The following SLC26A4 variants were observed in gnomAD, a reference collection of about 807,000 sequenced individuals.
SLC26A4 encodes the protein pendrin.
A neutral mutation model predicts 90.4 loss-of-function variants in SLC26A4; 93 were observed. The ratio of observed to expected loss-of-function variants is 1.03; its 90% CI spans 0.87 to 1.22. The LOEUF is 1.22. Ranked by LOEUF, SLC26A4 falls within the 50% of genes most tolerant of loss-of-function variation. The probability of loss-of-function intolerance (pLI) is 0.00; values close to 1 mark genes in which losing one functional copy is unlikely to be tolerated. For synonymous variants in SLC26A4, 393 were observed against 354.6 expected, an observed-to-expected ratio of 1.11 and a Z score of -1.22; for missense variants, 1,127 against 946.2, an observed-to-expected ratio of 1.19 and a Z score of -2.51.
chr7:107,686,405 TTTTCTTTCTTTCTTTCTTTCTTTC>T (rs774114215), intron 8 of SLC26A4, among the ~76,000 whole-genome samples: 8 of 82,522 alleles, frequency 9.7e-5, no homozygotes, highest in East Asian at 4.6e-4. Context: ...TCTCTCTCTT[TTTTCTTTCTTTCTTTCTTTCTTTC>T]TTTCTTTCTT....
intron 19 of SLC26A4, among the ~76,000 whole-genome samples, chr7:107,711,850 C>G (rs1792199558): frequency 1.3e-5 from 2 of 152,204 alleles, no homozygotes; most frequent in African/African-American, 2.4e-5. Flanking sequence ...ACTTAACCCT[C>G]TAATTCATTC....
intron 3 of SLC26A4, among the ~76,000 whole-genome samples, chr7:107,664,212 G>T (rs192400330): frequency 2.0e-5 from 3 of 152,086 alleles, no homozygotes; most frequent in Admixed American, 2.0e-4. Context: ...TCCACACGTG[G>T]ATCTTTTTTG....
intron 10 of SLC26A4, 42 bp from the exon 11 acceptor site, chr7:107,694,361 G>A: frequency 6.7e-7 from 1 of 1,503,744 alleles, no homozygotes; most frequent in Admixed American, 1.7e-5. Context: ...AGACACAAGG[G>A]AGAAGGACGA....
chr7:107,662,243 G>T (rs1334362681), intron 2 of SLC26A4: 1 of 180,234 alleles, frequency 5.5e-6, no homozygotes, highest in African/African-American at 2.4e-5. Context: ...TAGAGACCAG[G>T]ATGCAAGCTA....
chr7:107,672,994 C>T (rs977265465), intron 4 of SLC26A4, among the ~76,000 whole-genome samples: 2 of 152,194 alleles, frequency 1.3e-5, no homozygotes, highest in African/African-American at 4.8e-5. Context: ...TCTACTTTAT[C>T]CCCAACCCAT....
At chr7:107,679,929 C>T (rs1175452186) in intron 6 of SLC26A4, among the ~76,000 whole-genome samples, 2 of 134,306 alleles carry the variant, frequency 1.5e-5, no homozygotes, top group African/African-American at 5.7e-5. Flanking sequence ...ATAATATAAT[C>T]TTATTATATA....
intron 18 of SLC26A4, among the ~76,000 whole-genome samples, chr7:107,706,305 T>C (rs76131396): frequency 6.6e-6 from 1 of 152,146 alleles, no homozygotes; most frequent in Non-Finnish European, 1.5e-5. Context: ...TTGCCAAGCC[T>C]GGCGAGGTAT....
At chr7:107,669,858 C>T (rs1790817158) in intron 3 of SLC26A4, among the ~76,000 whole-genome samples, 1 of 152,110 alleles carries the variant, frequency 6.6e-6, no homozygotes, top group Admixed American at 6.5e-5. Context: ...CACATAAATA[C>T]TTATCTATAT....
chr7:107,673,279 C>T lies in SLC26A4; in HGVS notation c.416-885C>T, dbSNP rs1055489580. 5.9e-5 allele frequency among the ~76,000 whole-genome samples: 9 copies of T among 151,354 alleles called. No individual in the cohort carries two copies. In the South Asian group the frequency reaches 6.4e-4, roughly 11 times the overall value. On this transcript the variant is annotated intron_variant, in intron 4 of 20. Coordinates refer to ENST00000644269, the MANE Select transcript of SLC26A4 (RefSeq NM_000441.2). ...ATAACAGTAGTGAACGGAGCAATTGCTGAAAAAAAAATATTTTTTAAAATA... is the reference window on the plus strand; with the variant it reads ...ATAACAGTAGTGAACGGAGCAATTGTTGAAAAAAAAATATTTTTTAAAATA...
Position 107,674,155 on chromosome 7 carries a change from T to C in SLC26A4, c.416-9T>C. 6.2e-7 allele frequency: 1 copy of C among 1,613,948 alleles called. No homozygotes were observed. Among genetic ancestry groups the C allele is most frequent in the African/African-American group, 1.3e-5 (1 of 75,052 alleles). ...AACTGATTAATTGTTAGAGACTTTTTTTCCCCAGGACCTTTTCCAGTGGTG... is the reference window on the plus strand; with the variant it reads ...AACTGATTAATTGTTAGAGACTTTTCTTCCCCAGGACCTTTTCCAGTGGTG... On this transcript the variant is annotated splice_polypyrimidine_tract_variant and intron_variant, in intron 4 of 20. Transcript: ENST00000644269.
chr7:107,662,742 T>C (rs1790595439), intron 2 of SLC26A4, among the ~76,000 whole-genome samples: 1 of 152,224 alleles, frequency 6.6e-6, no homozygotes, highest in African/African-American at 2.4e-5. Flanking sequence ...AAAAACAATT[T>C]ATTCAAATCA....
chr7:107,663,430 T>C lies in SLC26A4; in HGVS notation c.299T>C (p.Leu100Pro), dbSNP rs1057518810. The part of the protein sequence containing the change: ...SGVSTGLVAT[L>P]QGMAYALLAA... ...GTTAGTACTGGGCTAGTGGCCACGC[T>C]GCAAGGTAAGATGTTGGCAGATTGA... is the stretch of plus-strand genomic sequence containing the variant. The change falls in exon 3 of 21, where the codon CTG becomes CCG. Residue 100 changes from leucine to proline, a missense_variant. Physicochemically the swap from Leu to Pro is moderately conservative, Grantham distance 98. Transcript: ENST00000644269. 4.3e-6 allele frequency: 7 copies of C among 1,613,948 alleles called. No homozygotes were observed. Among genetic ancestry groups the C allele is most frequent in the Non-Finnish European group, 5.9e-6 (7 of 1,179,950 alleles).
chr7:107,715,265 G>A (rs566321230), intron 20 of SLC26A4, among the ~76,000 whole-genome samples, 158 bp from the exon 21 acceptor site: 2 of 150,784 alleles, frequency 1.3e-5, no homozygotes, highest in African/African-American at 2.4e-5. Flanking sequence ...TAATGAATAC[G>A]AAATGAAGTT....
chr7:107,699,843 C>T (rs1027803843), intron 14 of SLC26A4, among the ~76,000 whole-genome samples: 1 of 151,400 alleles, frequency 6.6e-6, no homozygotes, highest in Non-Finnish European at 1.5e-5. Context: ...CAGGAGAATC[C>T]CTTGAACCCA....
chr7:107,687,761 G>A (rs1407435017), intron 8 of SLC26A4, among the ~76,000 whole-genome samples: 2 of 152,298 alleles, frequency 1.3e-5, no homozygotes, highest in East Asian at 1.9e-4. Flanking sequence ...TGACAAGTCC[G>A]AGTGACCTGA....
intron 5 of SLC26A4, among the ~76,000 whole-genome samples, 178 bp from the exon 6 acceptor site, chr7:107,674,767 G>A (rs896405247): frequency 1.3e-5 from 2 of 152,152 alleles, no homozygotes; most frequent in African/African-American, 4.8e-5. Context: ...ATTTTAGAGT[G>A]GTGGAGGAAG....
chr7:107,688,995 T>A (rs1264101190), intron 8 of SLC26A4, 58 bp from the exon 9 acceptor site: 4 of 1,586,950 alleles, frequency 2.5e-6, no homozygotes, highest in Non-Finnish European at 3.5e-6. Context: ...TTTGATGAGA[T>A]GGGGAAAAAG....
Position 107,717,410 on chromosome 7 carries a change from GC to G in SLC26A4, c.*1965del, listed in dbSNP as rs1414653034. 6.8e-6 allele frequency: 1 copy of G among 146,822 alleles called. No individual in the cohort carries two copies. Among genetic ancestry groups the G allele is most frequent in the Non-Finnish European group, 1.5e-5 (1 of 66,980 alleles). 9.1% of individuals were successfully genotyped at this position (146,822 alleles called of 1,614,324 possible). A position where few individuals can be genotyped will look rare whatever the true frequency, so the allele number is the denominator to read the frequency against. On this transcript the variant is annotated 3_prime_UTR_variant, in exon 21 of 21. Coordinates refer to ENST00000644269, the MANE Select transcript of SLC26A4 (RefSeq NM_000441.2). ...AAAAAAGAGTGAATGTAATAGTCTTGCAGAAAATGAATGAATACCTTTGTTC... is the reference window on the plus strand; with the variant it reads ...AAAAAAGAGTGAATGTAATAGTCTTGAGAAAATGAATGAATACCTTTGTTC...
intron 18 of SLC26A4, among the ~76,000 whole-genome samples, chr7:107,704,969 G>A (rs918766904): frequency 2.0e-5 from 3 of 152,076 alleles, no homozygotes; most frequent in African/African-American, 7.2e-5. Flanking sequence ...TAAAACAATG[G>A]CCTTTTATTT....
Sources: allele counts gnomAD v4.1 joint callset (sites outside exome capture counted in the v4.1 genomes callset), GRCh38; gene constraint gnomAD v4.1.1; transcripts MANE v1.5; gene names NCBI Gene and HGNC (gene_info 2026-07-23, HGNC 2026-07-21).